Variants in NCKAP1 observed in about 807,000 individuals in gnomAD.
NCKAP1 encodes the protein NCK associated protein 1, also known as nck-associated protein 1.
NCKAP1 carries 21 observed loss-of-function variants against 151.2 expected under a neutral mutation model. That is an observed-to-expected ratio of 0.14 (90% CI 0.10 to 0.20). NCKAP1 has a LOEUF of 0.20. Among genes scored for constraint, NCKAP1 ranks in the 10% least tolerant of loss-of-function variants. The pLI is 1.00. For missense variants in NCKAP1, 933 were observed against 1,352.1 expected (o/e 0.69, Z 4.86); for synonymous variants, 484 against 451.8 (o/e 1.07, Z -0.90).
Position 182,924,539 on chromosome 2 carries a change from C to G in NCKAP1, c.*1163G>C, listed in dbSNP as rs569010126. Reference sequence around the variant, plus strand: ...TCCCATTCATTACTGACTAATGCAGCAGTTCTCAACATTCTCACTAGTCCC... The same window carrying G: ...TCCCATTCATTACTGACTAATGCAGGAGTTCTCAACATTCTCACTAGTCCC... On this transcript the variant is annotated 3_prime_UTR_variant, in exon 31 of 31. Transcript: ENST00000361354. 1 of 152,246 alleles carries G rather than the reference C, an allele frequency of 6.6e-6. No individual in the cohort carries two copies. Among genetic ancestry groups the G allele is most frequent in the South Asian group, 2.1e-4 (1 of 4,826 alleles). The allele number at this position is 152,246 out of a possible 1,614,324, so 9.4% of individuals were successfully genotyped here.
intron 23 of NCKAP1, among the ~76,000 whole-genome samples, chr2:182,952,193 C>G (rs1697229227): frequency 1.3e-5 from 2 of 152,144 alleles, no homozygotes; most frequent in African/African-American, 4.8e-5. Flanking sequence ...GTCAATTCAC[C>G]TATTTTCGCT....
intron 2 of NCKAP1, 54 bp downstream of exon 2, chr2:183,023,749 CACT>C: frequency 2.2e-6 from 3 of 1,363,046 alleles, no homozygotes; most frequent in Non-Finnish European, 2.1e-6. Flanking sequence ...CTGTGTTGAC[CACT>C]GTTTCTCTAA....
intron 1 of NCKAP1, among the ~76,000 whole-genome samples, chr2:183,032,445 A>T (rs1267161063): frequency 6.6e-6 from 1 of 152,232 alleles, no homozygotes; most frequent in Non-Finnish European, 1.5e-5. Flanking sequence ...TAGATGGTAT[A>T]GCCTACTATA....
At chr2:182,927,147 T>A in intron 29 of NCKAP1, 1 of 350,116 alleles carries the variant, frequency 2.9e-6, no homozygotes. Flanking sequence ...TCTTTAAAAC[T>A]GATTTTTTCA....
Position 182,974,932 on chromosome 2 carries a change from C to T in NCKAP1, c.1482+1961G>A, listed in dbSNP as rs551273955. Reference sequence around the variant, plus strand: ...CTACATTCTTCATGTTCACTCAATGCTTTTTATTTTGCAGTGACTGAAAAA... The same window carrying T: ...CTACATTCTTCATGTTCACTCAATGTTTTTTATTTTGCAGTGACTGAAAAA... On this transcript the variant is annotated intron_variant, in intron 15 of 30. Coordinates refer to ENST00000361354, the MANE Select transcript of NCKAP1 (RefSeq NM_013436.5). 1.2e-3 allele frequency among the ~76,000 whole-genome samples: 185 copies of T among 152,242 alleles called. 1 individual carries two copies. Among genetic ancestry groups the T allele is most frequent in the African/African-American group, 4.3e-3 (177 of 41,546 alleles).
chr2:182,954,231 C>T (rs1054419979), intron 20 of NCKAP1, among the ~76,000 whole-genome samples: 2 of 141,966 alleles, frequency 1.4e-5, no homozygotes, highest in Non-Finnish European at 3.0e-5. Flanking sequence ...CAACAAACAA[C>T]TTTATTTTCT....
chr2:182,937,260 T>C (rs1696897090), intron 24 of NCKAP1, among the ~76,000 whole-genome samples: 1 of 152,132 alleles, frequency 6.6e-6, no homozygotes, highest in Admixed American at 6.6e-5. Flanking sequence ...CAACCTCATC[T>C]TGAATGTGTA....
At chr2:182,977,320 T>C (rs1697844414) in intron 14 of NCKAP1, among the ~76,000 whole-genome samples, 1 of 151,962 alleles carries the variant, frequency 6.6e-6, no homozygotes, top group East Asian at 1.9e-4. Flanking sequence ...TGAAACCCCA[T>C]CTCTACTAAA....
At chr2:182,932,565 C>T (rs947340488) in intron 26 of NCKAP1, among the ~76,000 whole-genome samples, 4 of 152,010 alleles carry the variant, frequency 2.6e-5, no homozygotes, top group African/African-American at 7.2e-5. Flanking sequence ...TGTCACTACA[C>T]TAAAAACCAC....
intron 5 of NCKAP1, 38 bp from the exon 6 acceptor site, chr2:183,002,081 C>A: frequency 6.2e-7 from 1 of 1,612,312 alleles, no homozygotes. Context: ...GAGTTGTAAT[C>A]CATCAAACTG....
chr2:182,981,363 A>T lies in NCKAP1; in HGVS notation c.1222T>A (p.Leu408Ile). The T allele has an allele frequency of 6.2e-7, 1 of 1,610,542 alleles. No individual in the cohort carries two copies. Among genetic ancestry groups the T allele is most frequent in the South Asian group, 1.1e-5 (1 of 90,376 alleles). The change falls in exon 13 of 31, where the codon TTA (leucine) becomes ATA (isoleucine). Residue 408 changes from leucine to isoleucine, a missense_variant. Coordinates refer to ENST00000361354, the MANE Select transcript of NCKAP1 (RefSeq NM_013436.5). ...CTAAGTTCTTCCATGTAAAATATTA[A>T]TTCAGCAATGTGCCTTTTTTAAAAT... ...DDFIDKHIAE[L>I]IFYMEELRAH... is the part of the protein sequence containing the mutation.
intron 2 of NCKAP1, among the ~76,000 whole-genome samples, chr2:183,014,344 T>C (rs1465187550): frequency 6.6e-6 from 1 of 152,126 alleles, no homozygotes; most frequent in African/African-American, 2.4e-5. Context: ...AAAGACAAGC[T>C]AGCCTAGTGA....
intron 1 of NCKAP1, among the ~76,000 whole-genome samples, chr2:183,035,097 T>C (rs1403768029): frequency 1.3e-5 from 2 of 152,032 alleles, no homozygotes; most frequent in East Asian, 1.9e-4. Context: ...GGAAACCATA[T>C]ATTTAAAAAC....
intron 1 of NCKAP1, 71 bp from the exon 2 acceptor site, chr2:183,023,987 A>G (rs1009800264): frequency 3.6e-6 from 4 of 1,124,932 alleles, no homozygotes; most frequent in Admixed American, 2.1e-5. Context: ...CAAATCTGCA[A>G]TTAGAAATTA....
chr2:182,987,074 T>C (rs1698071420), intron 9 of NCKAP1, among the ~76,000 whole-genome samples: 1 of 152,042 alleles, frequency 6.6e-6, no homozygotes, highest in African/African-American at 2.4e-5. Flanking sequence ...AAACCCCATC[T>C]CTACTAAAAA....
chr2:183,002,175 G>A lies in NCKAP1; in HGVS notation c.464C>T (p.Ala155Val). 1 of 1,611,606 alleles carries A rather than the reference G, an allele frequency of 6.2e-7. No homozygotes were observed. Among genetic ancestry groups the A allele is most frequent in the South Asian group, 1.1e-5 (1 of 91,008 alleles). Residue 155 changes from alanine (A) to valine (V), a missense_variant, in exon 5 of 31, where the codon GCA (alanine) becomes GTA (valine). By Grantham distance (64) the Ala-to-Val change is moderately conservative. Transcript: ENST00000361354. ...ILLSRIEERK[A>V]IIGLYNYAHE... ...GGCATAGTTGTATAATCCAATGATT[G>A]CCTTCCTTTCTTCAATTCGAGACAG...
At chr2:182,987,825 C>T (rs1293254803) in intron 9 of NCKAP1, among the ~76,000 whole-genome samples, 2 of 151,874 alleles carry the variant, frequency 1.3e-5, no homozygotes, top group African/African-American at 2.4e-5. Flanking sequence ...AGATCACTGC[C>T]ATAAGAATAT....
At chr2:182,930,639 T>A in intron 27 of NCKAP1, 56 bp downstream of exon 27, 1 of 1,342,554 alleles carries the variant, frequency 7.4e-7, no homozygotes, top group South Asian at 1.2e-5. Context: ...TACCTATACC[T>A]ATGCTGCCCT....
rs1696447478 is a variant in NCKAP1, at chr2:182,915,151, G to A, written c.*10551C>T. The A allele has an allele frequency of 6.6e-6, 1 of 152,158 alleles. No individual in the cohort carries two copies. Among genetic ancestry groups the A allele is most frequent in the African/African-American group, 2.4e-5 (1 of 41,430 alleles). 9.4% of individuals were successfully genotyped at this position (152,158 alleles called of 1,614,324 possible). A position where few individuals can be genotyped will look rare whatever the true frequency, so the allele number is the denominator to read the frequency against. On this transcript the variant is annotated 3_prime_UTR_variant, in exon 31 of 31. Transcript: ENST00000361354. The stretch of plus-strand genomic sequence containing the variant: ...GAACTTCTACTTCCAAAGATACAAT[G>A]AAGTTAATAAATGAAGCAAAGCAGA...
Sources: allele counts gnomAD v4.1 joint callset (sites outside exome capture counted in the v4.1 genomes callset), GRCh38; gene constraint gnomAD v4.1.1; transcripts MANE v1.5; gene names NCBI Gene and HGNC (gene_info 2026-07-23, HGNC 2026-07-21).